Variants in HIVEP2 observed in about 807,000 individuals in gnomAD.
HIVEP2 encodes HIVEP zinc finger 2.
Under a neutral mutation model 180.7 loss-of-function variants are expected in HIVEP2, and 14 were observed. That is an observed-to-expected ratio of 0.08 (90% confidence interval 0.05 to 0.12). The LOEUF is 0.12. Among genes scored for constraint, HIVEP2 ranks in the 10% least tolerant of loss-of-function variants. HIVEP2 has a pLI of 1.00. For missense variants in HIVEP2, 2,579 were observed against 3,008.5 expected, an observed-to-expected ratio of 0.86 and a Z score of 3.34; for synonymous variants, 1,184 against 1,136.4, an observed-to-expected ratio of 1.04 and a Z score of -0.84.
rs182143767 is a variant in HIVEP2, at chr6:142,921,200, T to C, written c.-641+23899A>G. 2.9e-3 allele frequency among the ~76,000 whole-genome samples: 448 copies of C among 152,258 alleles called. 3 individuals carry two copies. Among genetic ancestry groups the C allele is most frequent in the African/African-American group, 0.01 (419 of 41,558 alleles). On this transcript the variant is annotated intron_variant, in intron 1 of 9. Transcript: ENST00000367603. The stretch of plus-strand genomic sequence containing the variant: ...TCTGCCCTTCCAATGTTTTCATCTA[T>C]AAAATAAGAAGACAAACAGCCCTGC...
chr6:142,825,539 G>A (rs1459181732), intron 2 of HIVEP2, among the ~76,000 whole-genome samples: 12 of 151,974 alleles, frequency 7.9e-5, no homozygotes, highest in Non-Finnish European at 1.5e-5. Flanking sequence ...CTCTTATTAA[G>A]GTTTTGATAA....
At chr6:142,800,989 C>G (rs1039965937) in intron 2 of HIVEP2, among the ~76,000 whole-genome samples, 20 of 152,052 alleles carry the variant, frequency 1.3e-4, no homozygotes, top group South Asian at 8.3e-4. Flanking sequence ...TACATTTTGA[C>G]CAGAGTGAAT....
At chr6:142,859,258 A>G (rs117140113) in intron 1 of HIVEP2, among the ~76,000 whole-genome samples, 1 of 152,160 alleles carries the variant, frequency 6.6e-6, no homozygotes, top group Admixed American at 6.5e-5. Context: ...ACTTGAGCCC[A>G]GGAGTTCGAG....
chr6:142,894,100 T>G (rs1454155731), intron 1 of HIVEP2, among the ~76,000 whole-genome samples: 4 of 152,224 alleles, frequency 2.6e-5, no homozygotes. Context: ...CTATTGCTTA[T>G]AGTTATATAA....
chr6:142,810,851 A>C (rs1776680206), intron 2 of HIVEP2, among the ~76,000 whole-genome samples: 1 of 152,216 alleles, frequency 6.6e-6, no homozygotes, highest in East Asian at 1.9e-4. Flanking sequence ...TCTGTCTTCA[A>C]ACTGATTTCT....
chr6:142,822,946 G>T (rs1777079168), intron 2 of HIVEP2, among the ~76,000 whole-genome samples: 1 of 152,154 alleles, frequency 6.6e-6, no homozygotes, highest in Non-Finnish European at 1.5e-5. Flanking sequence ...CACAGCTCCT[G>T]TTCCAGCCCC....
chr6:142,832,479 A>G (rs1775114283), intron 2 of HIVEP2, among the ~76,000 whole-genome samples: 1 of 152,202 alleles, frequency 6.6e-6, no homozygotes, highest in Non-Finnish European at 1.5e-5. Flanking sequence ...TCAAACATGA[A>G]GAGAAGTAAT....
intron 2 of HIVEP2, among the ~76,000 whole-genome samples, chr6:142,796,453 C>T (rs994484828): frequency 2.0e-5 from 3 of 152,016 alleles, no homozygotes; most frequent in Non-Finnish European, 4.4e-5. Context: ...TGTATTCCTA[C>T]AATAATAAGC....
chr6:142,923,615 C>T (rs978884687), intron 1 of HIVEP2, among the ~76,000 whole-genome samples: 3 of 152,064 alleles, frequency 2.0e-5, no homozygotes, highest in Admixed American at 1.3e-4. Flanking sequence ...TCAGTTGTAC[C>T]TTAGCAAGGC....
chr6:142,789,333 A>G (rs1042640478), intron 2 of HIVEP2, among the ~76,000 whole-genome samples: 11 of 152,174 alleles, frequency 7.2e-5, no homozygotes, highest in Non-Finnish European at 1.5e-4. Context: ...TTCTCCCAAC[A>G]TGTGTCCTTA....
chr6:142,783,781 T>A (rs1375142898), intron 2 of HIVEP2, among the ~76,000 whole-genome samples, 166 bp from the exon 3 acceptor site: 1 of 152,172 alleles, frequency 6.6e-6, no homozygotes, highest in African/African-American at 2.4e-5. Flanking sequence ...AGAATTTCCT[T>A]TCTTTTAACA....
At chr6:142,759,469 A>C (rs1161000031) in intron 9 of HIVEP2, among the ~76,000 whole-genome samples, 1 of 152,226 alleles carries the variant, frequency 6.6e-6, no homozygotes, top group East Asian at 1.9e-4. Context: ...CATCTTTTTT[A>C]CTTACAAAAA....
At position 142,759,959 on chromosome 6, in the gene HIVEP2, T is replaced by A. The variant is rs1260681705; in HGVS notation, c.6329A>T (p.His2110Leu). Residue 2110 changes from histidine to leucine, a missense_variant, in exon 9 of 10, where the codon CAT (histidine) becomes CTT (leucine). This residue lies in a region of HIVEP2 where 660 missense variants were observed against 731.7 expected (regional missense o/e 0.90). Coordinates refer to ENST00000367603, the MANE Select transcript of HIVEP2 (RefSeq NM_006734.4). ...AGACACTGGCCTCCTTGGAGACAAATGCCTTCTTGGTGAAACATCTCTTTG... is the reference window on the plus strand; with the variant it reads ...AGACACTGGCCTCCTTGGAGACAAAAGCCTTCTTGGTGAAACATCTCTTTG... Reference protein sequence around the residue: ...MSQRDVSPRRHLSPRRPVSPG... With the variant: ...MSQRDVSPRRLLSPRRPVSPG... 2 of 1,614,008 alleles carry A rather than the reference T, an allele frequency of 1.2e-6. No homozygotes were observed. Among genetic ancestry groups the A allele is most frequent in the Non-Finnish European group, 1.7e-6 (2 of 1,179,986 alleles).
At chr6:142,879,322 G>T (rs905217591) in intron 1 of HIVEP2, among the ~76,000 whole-genome samples, 2 of 152,200 alleles carry the variant, frequency 1.3e-5, no homozygotes, top group African/African-American at 4.8e-5. Context: ...CAGGCATGAT[G>T]AAGTAGAATC....
intron 2 of HIVEP2, among the ~76,000 whole-genome samples, chr6:142,796,301 T>C (rs921989808): frequency 6.6e-6 from 1 of 152,120 alleles, no homozygotes; most frequent in Non-Finnish European, 1.5e-5. Context: ...ACCCCTACCC[T>C]GGACCGAGCA....
At chr6:142,827,595 A>G (rs1774946510) in intron 2 of HIVEP2, among the ~76,000 whole-genome samples, 1 of 152,194 alleles carries the variant, frequency 6.6e-6, no homozygotes, top group Non-Finnish European at 1.5e-5. Context: ...AAAAGAGCCA[A>G]GGAGAGCCCG....
At chr6:142,778,209 T>G (rs995416284) in intron 3 of HIVEP2, among the ~76,000 whole-genome samples, 2 of 152,242 alleles carry the variant, frequency 1.3e-5, no homozygotes, top group Admixed American at 1.3e-4. Flanking sequence ...AGCATCCCTC[T>G]GCAGGAAATG....
intron 1 of HIVEP2, among the ~76,000 whole-genome samples, chr6:142,920,788 C>G (rs150718191): frequency 1.3e-5 from 2 of 152,028 alleles, no homozygotes; most frequent in Admixed American, 6.6e-5. Context: ...TCCAGATCAG[C>G]CTAAGCAACA....
chr6:142,824,418 C>A (rs779595786), intron 2 of HIVEP2, among the ~76,000 whole-genome samples: 2 of 152,182 alleles, frequency 1.3e-5, no homozygotes, highest in Non-Finnish European at 2.9e-5. Flanking sequence ...GAAATCCCTG[C>A]AACTTCATGT....
Sources: gnomAD v4.1 joint callset for allele counts (sites outside exome capture counted in the v4.1 genomes callset) on GRCh38, gnomAD v4.1.1 for gene constraint, gnomAD v4.1.1 regional missense constraint, MANE v1.5 for transcripts, NCBI Gene and HGNC (gene_info 2026-07-23, HGNC 2026-07-21) for gene names.